TBCK: variants seen among roughly 807,000 people sequenced by gnomAD.
TBCK encodes TBC domain-containing protein kinase-like protein.
In TBCK, 99 loss-of-function variants were observed where a neutral mutation model predicts 113.4. The ratio of observed to expected loss-of-function variants is 0.87; its 90% CI spans 0.74 to 1.03. The LOEUF is 1.03. Among genes scored for constraint, TBCK ranks in the 50% least tolerant of loss-of-function variants. TBCK has a pLI of 0.00. For missense variants in TBCK, 1,045 were observed against 1,061.3 expected, an observed-to-expected ratio of 0.98 and a Z score of 0.21; for synonymous variants, 369 against 370.8, an observed-to-expected ratio of 1.00 and a Z score of 0.05.
chr4:106,087,212 A>C (rs776683931), intron 25 of TBCK, among the ~76,000 whole-genome samples: 1 of 152,174 alleles, frequency 6.6e-6, no homozygotes, highest in Non-Finnish European at 1.5e-5. Context: ...AACTTCTTGA[A>C]CTGATAGGCA....
At chr4:106,100,374 A>G (rs761421637) in intron 24 of TBCK, among the ~76,000 whole-genome samples, 7 of 152,182 alleles carry the variant, frequency 4.6e-5, no homozygotes, top group Non-Finnish European at 7.4e-5. Context: ...CACCCCAACC[A>G]GTGGCACCAG....
rs756630630 is a variant in TBCK, at chr4:106,171,189, G to C, written c.2141C>G (p.Ala714Gly). The part of the protein sequence containing the change: ...TPKSATYRQH[A>G]QPPKPSSDSS... Reference sequence around the variant, plus strand: ...GTCAGAAGATGGCTTTGGAGGTTGAGCATGCTGTCTGTAAGTAGCACTTTT... The same window carrying C: ...GTCAGAAGATGGCTTTGGAGGTTGACCATGCTGTCTGTAAGTAGCACTTTT... The change falls in exon 23 of 26, where the codon GCT becomes GGT. Residue 714 changes from alanine (A) to glycine (G), a missense_variant. Physicochemically the swap from Ala to Gly is moderately conservative, Grantham distance 60. Transcript: ENST00000394708. The C allele has an allele frequency of 6.2e-7, 1 of 1,612,736 alleles. No individual in the cohort carries two copies. The highest frequency in any genetic ancestry group is 8.5e-7 in the Non-Finnish European group (1 of 1,179,342).
chr4:106,079,250 T>C (rs146597976), intron 25 of TBCK, among the ~76,000 whole-genome samples: 4 of 152,242 alleles, frequency 2.6e-5, no homozygotes, highest in Admixed American at 1.3e-4. Context: ...CACATTCTCC[T>C]TGAAAACTGG....
intron 24 of TBCK, among the ~76,000 whole-genome samples, chr4:106,107,325 A>G (rs1006636457): frequency 3.3e-5 from 5 of 152,218 alleles, no homozygotes; most frequent in Non-Finnish European, 4.4e-5. Context: ...CCAAACCAAC[A>G]GAATATACAT....
intron 2 of TBCK, among the ~76,000 whole-genome samples, chr4:106,297,015 C>T (rs1470517593): frequency 6.6e-6 from 1 of 152,078 alleles, no homozygotes; most frequent in African/African-American, 2.4e-5. Context: ...CTTTGCTTTT[C>T]ATCTTACCAC....
At chr4:106,244,534 A>C in intron 11 of TBCK, 92 bp downstream of exon 11, 1 of 1,171,252 alleles carries the variant, frequency 8.5e-7, no homozygotes. Context: ...AATTTAAAAA[A>C]AAAAAACACC....
chr4:106,282,880 A>C (rs546460970), intron 3 of TBCK, among the ~76,000 whole-genome samples: 1 of 152,242 alleles, frequency 6.6e-6, no homozygotes, highest in South Asian at 2.1e-4. Flanking sequence ...GCACTCAGTC[A>C]CAGTAATCAA....
intron 25 of TBCK, among the ~76,000 whole-genome samples, chr4:106,093,321 A>T (rs556325281): frequency 6.6e-6 from 1 of 152,132 alleles, no homozygotes; most frequent in East Asian, 1.9e-4. Flanking sequence ...CCTGTCTAAC[A>T]TGGTGAAACC....
At chr4:106,125,546 C>T (rs561464838) in intron 23 of TBCK, among the ~76,000 whole-genome samples, 15 of 152,090 alleles carry the variant, frequency 9.9e-5, no homozygotes, top group Non-Finnish European at 1.8e-4. Context: ...GAAATCCTAT[C>T]ATTTTCAGCA....
intron 22 of TBCK, chr4:106,182,206 G>A (rs911009763): frequency 6.6e-6 from 1 of 152,128 alleles, no homozygotes; most frequent in Non-Finnish European, 1.5e-5. Context: ...TGTGATTTTT[G>A]CACATTGATT....
rs370440348 is a variant in TBCK at position 106,133,810 on chromosome 4, C to T, written c.2236-17432G>A. On this transcript the variant is annotated intron_variant, in intron 23 of 25. Coordinates refer to ENST00000394708, the MANE Select transcript of TBCK (RefSeq NM_001163435.3). ...CCTTGGCCACTTGAAGTCAGGAGTT[C>T]GAGACAAGGCTGGCCAACATGAAAC... Among the ~76,000 whole-genome samples, 12 of 152,182 alleles carry T rather than the reference C, an allele frequency of 7.9e-5. No individual in the cohort carries two copies. In the East Asian group the frequency reaches 2.1e-3, roughly 27 times the overall value.
intron 22 of TBCK, among the ~76,000 whole-genome samples, chr4:106,188,173 T>C (rs951300103): frequency 6.6e-6 from 1 of 152,208 alleles, no homozygotes; most frequent in Non-Finnish European, 1.5e-5. Flanking sequence ...TTCAGCCTCA[T>C]GCTGGCTGTT....
intron 3 of TBCK, among the ~76,000 whole-genome samples, chr4:106,281,880 C>A (rs1263713767): frequency 6.6e-6 from 1 of 151,966 alleles, no homozygotes; most frequent in African/African-American, 2.4e-5. Context: ...TTTGATGTGT[C>A]TTTTTCTGGT....
In TBCK at chr4:106,214,402, C is replaced by T. The variant is rs7693164; in HGVS notation, c.1775-1567G>A. Among the ~76,000 whole-genome samples the T allele has an allele frequency of 2.6e-3, 390 of 152,048 alleles. 3 individuals are homozygous for T. Among genetic ancestry groups the T allele is most frequent in the African/African-American group, 8.2e-3 (342 of 41,490 alleles). On this transcript the variant is annotated intron_variant, in intron 19 of 25. Transcript: ENST00000394708. Reference sequence around the variant, plus strand: ...TGACGAGCTGAGAGAAGGCTTCAGACGATCAAATTACTCTGAGCTACGGGA... The same window carrying T: ...TGACGAGCTGAGAGAAGGCTTCAGATGATCAAATTACTCTGAGCTACGGGA...
intron 5 of TBCK, among the ~76,000 whole-genome samples, chr4:106,256,417 G>T (rs1454454853): frequency 6.6e-6 from 1 of 152,198 alleles, no homozygotes; most frequent in Admixed American, 6.5e-5. Context: ...AAGGCAGCAG[G>T]GGGCTGGAGT....
chr4:106,296,215 T>G (rs1476556999), intron 2 of TBCK, among the ~76,000 whole-genome samples: 1 of 152,166 alleles, frequency 6.6e-6, no homozygotes, highest in Non-Finnish European at 1.5e-5. Flanking sequence ...AAAGTACAAC[T>G]GGCTTTACAA....
At chr4:106,236,660 T>C in intron 13 of TBCK, 99 bp downstream of exon 13, 1 of 1,038,464 alleles carries the variant, frequency 9.6e-7, no homozygotes, top group African/African-American at 1.7e-5. Context: ...TATTATTTTC[T>C]ATTTAGGAAA....
At position 106,237,790 on chromosome 4, in the gene TBCK, A is replaced by G. The variant is rs550493218; in HGVS notation, c.1171-982T>C. On this transcript the variant is annotated intron_variant, in intron 12 of 25. Transcript: ENST00000394708. ...CTTTCATATATTAAAATTTTAAGTTAGGAAATAAAATTTTCCCAAGTTTTA... is the reference window on the plus strand; with the variant it reads ...CTTTCATATATTAAAATTTTAAGTTGGGAAATAAAATTTTCCCAAGTTTTA... Among the ~76,000 whole-genome samples, 7 of 152,280 alleles carry G rather than the reference A, an allele frequency of 4.6e-5. No homozygotes were observed. The East Asian group carries it at 1.4e-3, about 29-fold the overall frequency.
chr4:106,292,204 C>A (rs1030218327), intron 3 of TBCK, among the ~76,000 whole-genome samples: 1 of 152,024 alleles, frequency 6.6e-6, no homozygotes, highest in Non-Finnish European at 1.5e-5. Flanking sequence ...ACAGAAATGC[C>A]GGCTACCTGA....
Sources: gnomAD v4.1 joint callset for allele counts (sites outside exome capture counted in the v4.1 genomes callset) on GRCh38, gnomAD v4.1.1 for gene constraint, MANE v1.5 for transcripts, NCBI Gene and HGNC (gene_info 2026-07-23, HGNC 2026-07-21) for gene names.